Variants in GLTP observed in about 807,000 individuals in gnomAD.
The protein encoded by GLTP is glycolipid transfer protein.
In GLTP, 22 loss-of-function variants were observed where a neutral mutation model predicts 24.0. That is an observed-to-expected ratio of 0.92 (90% CI 0.65 to 1.31). The LOEUF is 1.31. Among genes scored for constraint, GLTP ranks in the 50% most tolerant of loss-of-function variants. GLTP has a pLI of 0.00. For synonymous variants in GLTP, 92 were observed against 115.9 expected, an observed-to-expected ratio of 0.79 and a Z score of 1.33; for missense variants, 224 against 276.6, an observed-to-expected ratio of 0.81 and a Z score of 1.35.
chr12:109,873,240 C>T (rs2136049389), intron 1 of GLTP, among the ~76,000 whole-genome samples: 1 of 151,220 alleles, frequency 6.6e-6, no homozygotes, highest in South Asian at 2.1e-4. Flanking sequence ...GGTCCCAAAT[C>T]TCAGAGGATG....
At position 109,866,746 on chromosome 12, in the gene GLTP, CA is replaced by C. The variant is rs1269748383; in HGVS notation, c.104-8006del. Among the ~76,000 whole-genome samples, 7 of 146,934 alleles carry C rather than the reference CA, an allele frequency of 4.8e-5. No homozygotes were observed. In the Admixed American group the frequency reaches 5.0e-4, roughly 10 times the overall value. On this transcript the variant is annotated intron_variant, in intron 1 of 4. Transcript: ENST00000318348. ...CCTTTAGGCTTTTAGGACAACTAGA[CA>C]GCTTTGTGTATCTTTTTTTTTTTTT...
chr12:109,852,498 G>T lies in GLTP; in HGVS notation c.*57C>A. Reference sequence around the variant, plus strand: ...ACCGACTTGATTCACAGTGATTCTGGTTTGCCTGTTTCTCCATGTGGCCAC... The same window carrying T: ...ACCGACTTGATTCACAGTGATTCTGTTTTGCCTGTTTCTCCATGTGGCCAC... On this transcript the variant is annotated 3_prime_UTR_variant, in exon 5 of 5. Coordinates refer to ENST00000318348, the MANE Select transcript of GLTP (RefSeq NM_016433.4). 9.1e-7 allele frequency: 1 copy of T among 1,104,542 alleles called. No homozygotes were observed. The allele number at this position is 1,104,542 out of a possible 1,614,324, so 68.4% of individuals were successfully genotyped here.
chr12:109,857,466 C>T lies in GLTP; in HGVS notation c.296+60G>A. The stretch of plus-strand genomic sequence containing the variant: ...CTGAGCTGACACTGCGGAACAGTGA[C>T]AGGTTTGCTTTCCCTCCTCTGCAGC... On this transcript the variant is annotated intron_variant, in intron 3 of 4. Coordinates refer to ENST00000318348, the MANE Select transcript of GLTP (RefSeq NM_016433.4). This position sits in a 1 kb window ranked among gnomAD's most constrained non-coding sequence, Gnocchi z 4.3. The T allele has an allele frequency of 1.3e-6, 2 of 1,581,320 alleles. No individual in the cohort carries two copies. Among genetic ancestry groups the T allele is most frequent in the Non-Finnish European group, 1.7e-6 (2 of 1,155,990 alleles).
In GLTP at chr12:109,857,833, CA is replaced by C; in HGVS notation, c.163-175del. 1 of 666,814 alleles carries C rather than the reference CA, an allele frequency of 1.5e-6. No individual in the cohort carries two copies. Among genetic ancestry groups the C allele is most frequent in the South Asian group, 1.8e-5 (1 of 55,398 alleles). The allele number at this position is 666,814 out of a possible 1,614,324, so 41.3% of individuals were successfully genotyped here. On this transcript the variant is annotated intron_variant, in intron 2 of 4. Coordinates refer to ENST00000318348, the MANE Select transcript of GLTP (RefSeq NM_016433.4). The surrounding 1 kb of genome is among the most constrained non-coding windows in gnomAD (Gnocchi z 4.3). ...GACTGTTCACATGAGCCAGGATTTGCAAAATGCTTTACAGGCACTACCTTAT... is the reference window on the plus strand; with the variant it reads ...GACTGTTCACATGAGCCAGGATTTGCAAATGCTTTACAGGCACTACCTTAT...
In GLTP at chr12:109,855,472, C is replaced by T. The variant is rs749373818; in HGVS notation, c.447+147G>A. 9.6e-6 allele frequency: 6 copies of T among 627,810 alleles called. No individual in the cohort carries two copies. The highest frequency in any genetic ancestry group is 1.3e-5 in the Non-Finnish European group (5 of 380,800). 38.9% of individuals were successfully genotyped at this position (627,810 alleles called of 1,614,324 possible). A position where few individuals can be genotyped will look rare whatever the true frequency, so the allele number is the denominator to read the frequency against. Reference sequence around the variant, plus strand: ...GGAGGGGGACCTCTCAGTACACTAGCCTCACCCAAATAGATGAGGGAGCCC... The same window carrying T: ...GGAGGGGGACCTCTCAGTACACTAGTCTCACCCAAATAGATGAGGGAGCCC... On this transcript the variant is annotated intron_variant, in intron 4 of 4. Transcript: ENST00000318348. The surrounding 1 kb of genome is among the most constrained non-coding windows in gnomAD (Gnocchi z 4.1).
At chr12:109,878,433 C>T (rs1868953908) in intron 1 of GLTP, among the ~76,000 whole-genome samples, 1 of 152,104 alleles carries the variant, frequency 6.6e-6, no homozygotes, top group South Asian at 2.1e-4. Flanking sequence ...CGTGCCCCAT[C>T]CCCCAACTCA....
rs372260958 is a variant in GLTP, at chr12:109,857,325, C to T, written c.296+201G>A. Among the ~76,000 whole-genome samples, 17 of 152,310 alleles carry T rather than the reference C, an allele frequency of 1.1e-4. No individual in the cohort carries two copies. Among genetic ancestry groups the T allele is most frequent in the African/African-American group, 3.8e-4 (16 of 41,562 alleles). On this transcript the variant is annotated intron_variant, in intron 3 of 4. Transcript: ENST00000318348. The surrounding 1 kb of genome is among the most constrained non-coding windows in gnomAD (Gnocchi z 4.3). ...TCCCAGATCAGGGTGTGCTCATATA[C>T]TGATGGGACTGGAACCAGGAAGCAT...
chr12:109,873,166 G>A (rs1046833625), intron 1 of GLTP, among the ~76,000 whole-genome samples: 1 of 151,850 alleles, frequency 6.6e-6, no homozygotes, highest in Non-Finnish European at 1.5e-5. Flanking sequence ...AAATAAACAG[G>A]TATTAGCATT....
chr12:109,875,066 T>G (rs1451057509), intron 1 of GLTP, among the ~76,000 whole-genome samples: 1 of 152,104 alleles, frequency 6.6e-6, no homozygotes, highest in Non-Finnish European at 1.5e-5. Context: ...CCTGGCCTAC[T>G]CATCTATTTT....
intron 1 of GLTP, among the ~76,000 whole-genome samples, chr12:109,873,556 C>G (rs1868793842): frequency 6.6e-6 from 1 of 151,228 alleles, no homozygotes; most frequent in South Asian, 2.1e-4. Flanking sequence ...ATCACTTGAA[C>G]CCAGGACGCA....
intron 1 of GLTP, among the ~76,000 whole-genome samples, chr12:109,864,592 A>C (rs1212547533): frequency 6.6e-6 from 1 of 152,216 alleles, no homozygotes; most frequent in Non-Finnish European, 1.5e-5. Flanking sequence ...GTCCAAGGAC[A>C]TCAAGTCACA....
Position 109,852,160 on chromosome 12 carries a change from A to G in GLTP, c.*395T>C, listed in dbSNP as rs558632816. The stretch of plus-strand genomic sequence containing the variant: ...CACGGTGCCCAGCCATCATGTGCTT[A>G]TTTTTAAAGCGAGGTGGATGACACC... On this transcript the variant is annotated 3_prime_UTR_variant, in exon 5 of 5. Coordinates refer to ENST00000318348, the MANE Select transcript of GLTP (RefSeq NM_016433.4). 1 of 156,692 alleles carries G rather than the reference A, an allele frequency of 6.4e-6. No individual in the cohort carries two copies. Among genetic ancestry groups the G allele is most frequent in the Admixed American group, 6.4e-5 (1 of 15,558 alleles). The allele number at this position is 156,692 out of a possible 1,614,324, so 9.7% of individuals were successfully genotyped here.
chr12:109,857,442 T>C lies in GLTP; in HGVS notation c.296+84A>G. 6.8e-7 allele frequency: 1 copy of C among 1,481,082 alleles called. No individual in the cohort carries two copies. Among genetic ancestry groups the C allele is most frequent in the South Asian group, 1.2e-5 (1 of 83,452 alleles). The allele number at this position is 1,481,082 out of a possible 1,614,324, so 91.7% of individuals were successfully genotyped here. A position where few individuals can be genotyped will look rare whatever the true frequency, so the allele number is the denominator to read the frequency against. Reference sequence around the variant, plus strand: ...GGGCTCGGAAGTGACCTTCCCAGCCTGAGCTGACACTGCGGAACAGTGACA... The same window carrying C: ...GGGCTCGGAAGTGACCTTCCCAGCCCGAGCTGACACTGCGGAACAGTGACA... On this transcript the variant is annotated intron_variant, in intron 3 of 4. Coordinates refer to ENST00000318348, the MANE Select transcript of GLTP (RefSeq NM_016433.4). The surrounding 1 kb of genome is among the most constrained non-coding windows in gnomAD (Gnocchi z 4.3).
rs913806674 is a variant in GLTP, at chr12:109,880,141, A to G, written c.103+131T>C. The G allele has an allele frequency of 1.7e-6, 1 of 584,708 alleles. No homozygotes were observed. The highest frequency in any genetic ancestry group is 2.0e-5 in the African/African-American group (1 of 51,016). The allele number at this position is 584,708 out of a possible 1,614,324, so 36.2% of individuals were successfully genotyped here. Reference sequence around the variant, plus strand: ...GAATTTAGGGTGAGTGGAGGGAAAGAGGATCTTGGGTGCCTGGGGAAACAG... The same window carrying G: ...GAATTTAGGGTGAGTGGAGGGAAAGGGGATCTTGGGTGCCTGGGGAAACAG... On this transcript the variant is annotated intron_variant, in intron 1 of 4. Coordinates refer to ENST00000318348, the MANE Select transcript of GLTP (RefSeq NM_016433.4). This position sits in a 1 kb window ranked among gnomAD's most constrained non-coding sequence, Gnocchi z 5.1.
At chr12:109,861,251 G>C (rs1868359671) in intron 1 of GLTP, among the ~76,000 whole-genome samples, 1 of 152,162 alleles carries the variant, frequency 6.6e-6, no homozygotes, top group Non-Finnish European at 1.5e-5. Context: ...AGGTGCATGA[G>C]AGAAACAGCA....
rs1892817388 is a variant in GLTP at position 109,857,668 on chromosome 12, G to C, written c.163-9C>G. ...TACACAGCTTTGATTTTCTGAAATG[G>C]AGCACACAAGATTTCCCCTTGGGTA... On this transcript the variant is annotated splice_polypyrimidine_tract_variant and intron_variant, in intron 2 of 4. Coordinates refer to ENST00000318348, the MANE Select transcript of GLTP (RefSeq NM_016433.4). This position sits in a 1 kb window ranked among gnomAD's most constrained non-coding sequence, Gnocchi z 4.3. The C allele has an allele frequency of 1.2e-6, 2 of 1,613,934 alleles. No homozygotes were observed. Among genetic ancestry groups the C allele is most frequent in the African/African-American group, 1.3e-5 (1 of 74,906 alleles).
intron 1 of GLTP, among the ~76,000 whole-genome samples, chr12:109,861,731 A>G (rs1868375016): frequency 7.3e-6 from 1 of 137,850 alleles, no homozygotes; most frequent in South Asian, 2.6e-4. Flanking sequence ...CTGGCGACAG[A>G]GCAAGACTCC....
intron 1 of GLTP, among the ~76,000 whole-genome samples, chr12:109,870,177 G>A (rs993423951): frequency 4.6e-5 from 7 of 152,092 alleles, no homozygotes; most frequent in Admixed American, 1.3e-4. Context: ...TGAAAAAGAA[G>A]GTATTAGGCT....
chr12:109,862,128 C>T (rs1297362741), intron 1 of GLTP, among the ~76,000 whole-genome samples: 1 of 152,166 alleles, frequency 6.6e-6, no homozygotes, highest in Non-Finnish European at 1.5e-5. Context: ...CTGGAGCCTT[C>T]CCTAGGGTGG....
Sources: allele counts gnomAD v4.1 joint callset (sites outside exome capture counted in the v4.1 genomes callset), GRCh38; gene constraint gnomAD v4.1.1; non-coding constraint Gnocchi (gnomAD v3.1); transcripts MANE v1.5; gene names NCBI Gene and HGNC (gene_info 2026-07-23, HGNC 2026-07-21).